GRB2: variants seen among roughly 807,000 people sequenced by gnomAD.
GRB2 encodes growth factor receptor-bound protein 2.
A neutral mutation model predicts 27.4 loss-of-function variants in GRB2; 2 were observed. That is an observed-to-expected ratio of 0.07 (90% CI 0.03 to 0.23). The LOEUF (loss-of-function observed/expected upper bound fraction) is 0.23. GRB2 is among the 10% of genes least tolerant of loss of function. The pLI is 1.00. For missense variants in GRB2, 102 were observed against 282.4 expected (o/e 0.36, Z 4.58); for synonymous variants, 94 against 99.6 (o/e 0.94, Z 0.33).
intron 2 of GRB2, among the ~76,000 whole-genome samples, chr17:75,364,698 T>C (rs926143077): frequency 4.6e-5 from 7 of 152,106 alleles, no homozygotes; most frequent in African/African-American, 1.7e-4. Context: ...TAGGGTTGTC[T>C]ATTTTCTGCA....
At chr17:75,341,801 G>A (rs2078623283) in intron 2 of GRB2, among the ~76,000 whole-genome samples, 1 of 152,070 alleles carries the variant, frequency 6.6e-6, no homozygotes, top group Non-Finnish European at 1.5e-5. Flanking sequence ...GGTGAGTCAG[G>A]AGATGGGGAC....
chr17:75,391,331 C>T (rs1451818616), intron 2 of GRB2, among the ~76,000 whole-genome samples: 2 of 152,066 alleles, frequency 1.3e-5, no homozygotes, highest in African/African-American at 4.8e-5. Context: ...ACTTTCTCCT[C>T]CATAATAAAA....
At chr17:75,390,091 A>G (rs2078989194) in intron 2 of GRB2, among the ~76,000 whole-genome samples, 1 of 152,194 alleles carries the variant, frequency 6.6e-6, no homozygotes, top group South Asian at 2.1e-4. Context: ...CAGTGCTGAG[A>G]CAGAATGCTT....
In GRB2 at chr17:75,321,892, C is replaced by G. The variant is rs569776404; in HGVS notation, c.300-65G>C. The G allele has an allele frequency of 4.0e-6, 6 of 1,495,828 alleles. No homozygotes were observed. In the East Asian group the frequency reaches 1.1e-4, roughly 28 times the overall value. 92.7% of individuals were successfully genotyped at this position (1,495,828 alleles called of 1,614,324 possible). On this transcript the variant is annotated intron_variant, in intron 4 of 5. Transcript: ENST00000316804. ...CTAACTTGGCAAATCGAGGGTATTT[C>G]CATATAGGAGCTATCTCGAGAGAAC...
At chr17:75,383,203 T>C (rs145358235) in intron 2 of GRB2, among the ~76,000 whole-genome samples, 174 of 152,292 alleles carry the variant, frequency 1.1e-3, no homozygotes, top group Middle Eastern at 0.01. Flanking sequence ...TGTTAGCCAA[T>C]TGCACAATCC....
intron 2 of GRB2, among the ~76,000 whole-genome samples, chr17:75,339,300 T>C (rs1004039054): frequency 2.7e-5 from 4 of 149,786 alleles, no homozygotes; most frequent in Non-Finnish European, 5.9e-5. Context: ...TTCACGCCAT[T>C]CTCCTGCCTC....
At chr17:75,362,967 A>G (rs2078794656) in intron 2 of GRB2, among the ~76,000 whole-genome samples, 2 of 152,238 alleles carry the variant, frequency 1.3e-5, no homozygotes, top group Non-Finnish European at 1.5e-5. Flanking sequence ...GAAAAAAATT[A>G]TGACTGCTTG....
intron 2 of GRB2, among the ~76,000 whole-genome samples, chr17:75,339,381 GA>G (rs1297663680): frequency 6.6e-6 from 1 of 151,594 alleles, no homozygotes; most frequent in Non-Finnish European, 1.5e-5. Context: ...TTTTAGTAGA[GA>G]GGGGGTTTCA....
At chr17:75,359,588 C>A (rs1390681364) in intron 2 of GRB2, among the ~76,000 whole-genome samples, 1 of 151,926 alleles carries the variant, frequency 6.6e-6, no homozygotes, top group Non-Finnish European at 1.5e-5. Context: ...CTCTCCATGG[C>A]CCAGACCTTG....
At chr17:75,359,648 T>C (rs1005280556) in intron 2 of GRB2, among the ~76,000 whole-genome samples, 1 of 152,178 alleles carries the variant, frequency 6.6e-6, no homozygotes, top group Non-Finnish European at 1.5e-5. Context: ...CCTGCCTTCC[T>C]GCCTTGAACT....
chr17:75,358,041 A>G (rs2078745208), intron 2 of GRB2, among the ~76,000 whole-genome samples: 1 of 152,176 alleles, frequency 6.6e-6, no homozygotes, highest in Non-Finnish European at 1.5e-5. Flanking sequence ...GAGGTTGCAG[A>G]CGACATGCAT....
In GRB2 at chr17:75,321,675, A is replaced by G. The variant is rs2078461118; in HGVS notation, c.452T>C (p.Ile151Thr). The change falls in exon 5 of 6, where the codon ATA (isoleucine) becomes ACA (threonine). Residue 151 changes from isoleucine to threonine, a missense_variant. By Grantham distance (89) the Ile-to-Thr change is moderately conservative. This residue lies in a region of GRB2 where 57 missense variants were observed against 152.9 expected (regional missense o/e 0.37). Transcript: ENST00000316804. Reference sequence around the variant, plus strand: ...GAGGCTTACCTGTGGCACCTGTTCTATGTCCCGCAGGAATATCTGCTGGTT... The same window carrying G: ...GAGGCTTACCTGTGGCACCTGTTCTGTGTCCCGCAGGAATATCTGCTGGTT... ...SRNQQIFLRDIEQVPQQPTYV... is the reference protein window; with the variant it reads ...SRNQQIFLRDTEQVPQQPTYV... 1.9e-6 allele frequency: 3 copies of G among 1,614,114 alleles called. No homozygotes were observed. The highest frequency in any genetic ancestry group is 1.6e-4 in the Middle Eastern group (1 of 6,062).
intron 2 of GRB2, among the ~76,000 whole-genome samples, 189 bp from the exon 3 acceptor site, chr17:75,332,986 CA>C (rs1291875043): frequency 1.3e-5 from 2 of 152,022 alleles, no homozygotes; most frequent in Admixed American, 1.3e-4. Flanking sequence ...TAAAATGAAA[CA>C]GAAATTATCT....
intron 2 of GRB2, among the ~76,000 whole-genome samples, chr17:75,362,547 CA>C (rs1268671049): frequency 2.6e-5 from 4 of 152,300 alleles, no homozygotes; most frequent in East Asian, 3.9e-4. Flanking sequence ...GCAATAGATA[CA>C]AGGGCTTAAT....
chr17:75,343,250 T>C (rs1363579718), intron 2 of GRB2, among the ~76,000 whole-genome samples: 1 of 152,032 alleles, frequency 6.6e-6, no homozygotes, highest in Non-Finnish European at 1.5e-5. Flanking sequence ...GGTCTGCCTG[T>C]CTGACTTGTG....
intron 3 of GRB2, chr17:75,326,297 C>T (rs545430703): frequency 2.3e-6 from 1 of 433,190 alleles, no homozygotes; most frequent in African/African-American, 2.0e-5. Context: ...AATGGGCCCC[C>T]CAGGCCAAAG....
intron 5 of GRB2, among the ~76,000 whole-genome samples, chr17:75,321,335 T>G (rs2145817031): frequency 6.6e-6 from 1 of 151,990 alleles, no homozygotes; most frequent in South Asian, 2.1e-4. Context: ...CGCCACCACA[T>G]CCAGCTAATT....
intron 2 of GRB2, among the ~76,000 whole-genome samples, chr17:75,341,348 G>A (rs1009304346): frequency 1.1e-4 from 16 of 148,352 alleles, no homozygotes; most frequent in Admixed American, 8.7e-4. Flanking sequence ...CAGGAGAATC[G>A]CTTGGAGGCA....
intron 2 of GRB2, among the ~76,000 whole-genome samples, chr17:75,386,799 CCT>C (rs1297440280): frequency 6.6e-6 from 1 of 152,174 alleles, no homozygotes; most frequent in African/African-American, 2.4e-5. Context: ...TCAAACTTCA[CCT>C]CTGTCACTTG....
Sources: allele counts gnomAD v4.1 joint callset (sites outside exome capture counted in the v4.1 genomes callset), GRCh38; gene constraint gnomAD v4.1.1; regional missense constraint gnomAD v4.1.1; transcripts MANE v1.5; gene names NCBI Gene and HGNC (gene_info 2026-07-23, HGNC 2026-07-21).